BCAS4: variants seen among roughly 807,000 people sequenced by gnomAD.
BCAS4 encodes breast carcinoma amplified sequence 4.
BCAS4 carries 9 observed loss-of-function variants against 15.7 expected under a neutral mutation model. The observed-to-expected ratio is 0.57, with a 90% CI of 0.34 to 1.00. The LOEUF is 1.00. Among genes scored for constraint, BCAS4 ranks in the 50% least tolerant of loss-of-function variants. The pLI is 0.02. For synonymous variants in BCAS4, 101 were observed against 99.5 expected, an observed-to-expected ratio of 1.02 and a Z score of -0.09; for missense variants, 225 against 239.1, an observed-to-expected ratio of 0.94 and a Z score of 0.39.
intron 1 of BCAS4, among the ~76,000 whole-genome samples, chr20:50,796,730 G>A (rs113438587): frequency 5.9e-5 from 9 of 151,328 alleles, no homozygotes; most frequent in East Asian, 2.0e-4. Context: ...TCTTGACCTC[G>A]TGATCCACCC....
At chr20:50,860,100 C>G (rs1235310735) in intron 4 of BCAS4, among the ~76,000 whole-genome samples, 1 of 152,144 alleles carries the variant, frequency 6.6e-6, no homozygotes, top group East Asian at 1.9e-4. Flanking sequence ...TGCACCACTG[C>G]ACTATAGCCT....
Position 50,808,033 on chromosome 20 carries a change from G to T in BCAS4, c.91-10178G>T, listed in dbSNP as rs962300894. 2.0e-5 allele frequency among the ~76,000 whole-genome samples: 3 copies of T among 150,832 alleles called. No homozygotes were observed. In the Admixed American group the frequency reaches 2.0e-4, roughly 10 times the overall value. ...CGCGATTCTCCTGCCTCAGCCTCCC[G>T]AGTAGCTGGGATTACAGGCGCCCGC... On this transcript the variant is annotated intron_variant, in intron 1 of 4. Transcript: ENST00000371608.
chr20:50,822,412 G>C (rs1045477188), intron 2 of BCAS4, among the ~76,000 whole-genome samples: 2 of 152,180 alleles, frequency 1.3e-5, no homozygotes, highest in African/African-American at 4.8e-5. Context: ...GTTTGTAGCT[G>C]TCCTTAATCC....
intron 4 of BCAS4, among the ~76,000 whole-genome samples, chr20:50,875,123 C>T (rs890093371): frequency 1.3e-5 from 2 of 152,240 alleles, no homozygotes; most frequent in African/African-American, 4.8e-5. Flanking sequence ...GTCCCACACC[C>T]AGGCCACGCC....
In BCAS4 at chr20:50,842,045, C is replaced by T. The variant is rs528740006; in HGVS notation, c.399+145C>T. ...CAGGAAACGGGTACAGGCGGCCAGG[C>T]ACCTCAGCCTTTCTCTGTCCCCTGT... On this transcript the variant is annotated intron_variant, in intron 4 of 4. Transcript: ENST00000371608. The T allele has an allele frequency of 4.7e-6, 5 of 1,069,158 alleles. No individual in the cohort carries two copies. In the African/African-American group the frequency reaches 6.5e-5, roughly 14 times the overall value. The allele number at this position is 1,069,158 out of a possible 1,614,324, so 66.2% of individuals were successfully genotyped here.
chr20:50,813,464 C>T (rs993993385), intron 1 of BCAS4, among the ~76,000 whole-genome samples: 8 of 152,128 alleles, frequency 5.3e-5, no homozygotes, highest in Non-Finnish European at 1.0e-4. Flanking sequence ...CGGTGACTTG[C>T]GCCATGGTGC....
chr20:50,808,207 C>T (rs888023277), intron 1 of BCAS4, among the ~76,000 whole-genome samples: 4 of 152,172 alleles, frequency 2.6e-5, no homozygotes, highest in African/African-American at 7.2e-5. Context: ...CCACCGCGCC[C>T]GGCTGTGCCA....
chr20:50,841,705 T>C, intron 3 of BCAS4, 61 bp from the exon 4 acceptor site: 1 of 1,610,334 alleles, frequency 6.2e-7, no homozygotes, highest in Non-Finnish European at 8.5e-7. Flanking sequence ...CCAGGGAGTG[T>C]GGCCAGGAAT....
intron 2 of BCAS4, 115 bp from the exon 3 acceptor site, chr20:50,830,164 C>A: frequency 2.5e-6 from 2 of 809,408 alleles, no homozygotes; most frequent in Non-Finnish European, 4.1e-6. Flanking sequence ...CGCAGGATGC[C>A]ACCTGGCACC....
At chr20:50,869,599 G>T (rs942114315) in intron 4 of BCAS4, among the ~76,000 whole-genome samples, 3 of 152,178 alleles carry the variant, frequency 2.0e-5, no homozygotes, top group Non-Finnish European at 4.4e-5. Context: ...TTGCAACTGG[G>T]TAGCCATGTC....
chr20:50,854,132 A>G (rs1282121838), intron 4 of BCAS4, among the ~76,000 whole-genome samples: 1 of 152,132 alleles, frequency 6.6e-6, no homozygotes, highest in African/African-American at 2.4e-5. Context: ...ATAAATATGG[A>G]AAAGAATACA....
intron 3 of BCAS4, among the ~76,000 whole-genome samples, chr20:50,834,982 T>C (rs1157983126): frequency 6.6e-6 from 1 of 152,222 alleles, no homozygotes; most frequent in African/African-American, 2.4e-5. Context: ...TGCTTTTCAC[T>C]TTACGGCTGT....
chr20:50,856,486 G>A (rs1978765883), intron 4 of BCAS4, among the ~76,000 whole-genome samples: 1 of 152,218 alleles, frequency 6.6e-6, no homozygotes, highest in Admixed American at 6.5e-5. Flanking sequence ...GTGAGAAGCT[G>A]GAGCAGGGAG....
chr20:50,879,613 C>G (rs1158926133), downstream of BCAS4: 4 of 152,316 alleles, frequency 2.6e-5, no homozygotes, highest in Non-Finnish European at 4.4e-5. Flanking sequence ...GAGTGTTGGG[C>G]ACTCCCAGGC....
chr20:50,804,620 C>A (rs2087968301), intron 1 of BCAS4, among the ~76,000 whole-genome samples: 1 of 152,194 alleles, frequency 6.6e-6, no homozygotes, highest in African/African-American at 2.4e-5. Flanking sequence ...GCATTTTAGA[C>A]AAGATTGAGT....
At chr20:50,843,748 C>A (rs892029141) in intron 4 of BCAS4, among the ~76,000 whole-genome samples, 6 of 152,228 alleles carry the variant, frequency 3.9e-5, no homozygotes. Flanking sequence ...AACTCCATTT[C>A]TTTGCTTTCC....
intron 1 of BCAS4, among the ~76,000 whole-genome samples, chr20:50,798,383 G>A (rs2087891444): frequency 6.6e-6 from 1 of 151,524 alleles, no homozygotes; most frequent in Non-Finnish European, 1.5e-5. Context: ...TAAAATAACA[G>A]TATATCTGGG....
chr20:50,819,210 G>C (rs985804555), intron 2 of BCAS4, among the ~76,000 whole-genome samples: 20 of 152,022 alleles, frequency 1.3e-4, no homozygotes, highest in African/African-American at 4.8e-4. Flanking sequence ...AAAAGAAATT[G>C]CTTCTAGATC....
intron 4 of BCAS4, among the ~76,000 whole-genome samples, chr20:50,848,357 T>A (rs2123817037): frequency 6.6e-6 from 1 of 151,566 alleles, no homozygotes; most frequent in African/African-American, 2.4e-5. Flanking sequence ...AGATGATGAG[T>A]AAGTGTGGGT....
Sources: allele counts gnomAD v4.1 joint callset (sites outside exome capture counted in the v4.1 genomes callset), GRCh38; gene constraint gnomAD v4.1.1; transcripts MANE v1.5; gene names NCBI Gene and HGNC (gene_info 2026-07-23, HGNC 2026-07-21).